PLEKHA5: variants seen among roughly 807,000 people sequenced by gnomAD.
PLEKHA5 encodes pleckstrin homology domain containing A5.
PLEKHA5 carries 55 observed loss-of-function variants against 181.9 expected under a neutral mutation model. The observed-to-expected ratio is 0.30, with a 90% CI of 0.24 to 0.38. The LOEUF (loss-of-function observed/expected upper bound fraction) is 0.38, where lower values mean the gene tolerates loss of function less well. Ranked by LOEUF, PLEKHA5 falls within the 10% of genes least tolerant of loss-of-function variation. The pLI, the probability that PLEKHA5 is intolerant of heterozygous loss-of-function variation, is 1.00. For missense variants in PLEKHA5, 1,432 were observed against 1,549.5 expected, an observed-to-expected ratio of 0.92 and a Z score of 1.27; for synonymous variants, 535 against 529.4, an observed-to-expected ratio of 1.01 and a Z score of -0.15.
chr12:19,135,289 A>G (rs1212179669), intron 3 of PLEKHA5, among the ~76,000 whole-genome samples: 1 of 152,058 alleles, frequency 6.6e-6, no homozygotes, highest in African/African-American at 2.4e-5. Flanking sequence ...GTAAGAGGAG[A>G]GGATTGTAGT....
intron 3 of PLEKHA5, among the ~76,000 whole-genome samples, chr12:19,181,919 T>C (rs1310860539): frequency 6.6e-6 from 1 of 152,206 alleles, no homozygotes; most frequent in Non-Finnish European, 1.5e-5. Context: ...TCATCAGAAA[T>C]AAAACTGAGG....
intron 29 of PLEKHA5, among the ~76,000 whole-genome samples, chr12:19,364,610 C>A (rs975991572): frequency 1.3e-5 from 2 of 152,040 alleles, no homozygotes; most frequent in African/African-American, 4.8e-5. Context: ...AGCTGAAAAT[C>A]TGACAAGGAT....
chr12:19,235,675 T>G (rs1319353523), intron 3 of PLEKHA5, among the ~76,000 whole-genome samples: 1 of 152,200 alleles, frequency 6.6e-6, no homozygotes. Flanking sequence ...GGGCTTGAAC[T>G]GGGGTCATCT....
chr12:19,211,433 G>A (rs1303568692), intron 3 of PLEKHA5, among the ~76,000 whole-genome samples: 2 of 152,030 alleles, frequency 1.3e-5, no homozygotes, highest in African/African-American at 4.8e-5. Flanking sequence ...AGAGAGCAGC[G>A]TGACTCCTGA....
chr12:19,237,596 T>A (rs183702553), intron 3 of PLEKHA5, among the ~76,000 whole-genome samples: 1 of 152,080 alleles, frequency 6.6e-6, no homozygotes, highest in Non-Finnish European at 1.5e-5. Flanking sequence ...ATCAGTGATA[T>A]GATTCAAAGT....
At chr12:19,347,977 G>C (rs1168890788) in intron 24 of PLEKHA5, among the ~76,000 whole-genome samples, 1 of 150,486 alleles carries the variant, frequency 6.6e-6, no homozygotes. Context: ...CCGCCTCCCA[G>C]GTTCAAGTGA....
chr12:19,206,572 G>T (rs2055582344), intron 3 of PLEKHA5, among the ~76,000 whole-genome samples: 1 of 152,082 alleles, frequency 6.6e-6, no homozygotes, highest in Admixed American at 6.6e-5. Context: ...CTAGAAAAAT[G>T]ATGTGGGGGG....
At chr12:19,135,134 G>C (rs894049630) in intron 3 of PLEKHA5, among the ~76,000 whole-genome samples, 2 of 152,134 alleles carry the variant, frequency 1.3e-5, no homozygotes, top group Non-Finnish European at 2.9e-5. Context: ...AGTTGTTTCT[G>C]CTTCCATTGT....
intron 3 of PLEKHA5, among the ~76,000 whole-genome samples, chr12:19,252,017 T>C (rs2065463955): frequency 6.6e-6 from 1 of 152,156 alleles, no homozygotes. Flanking sequence ...AACAGATGGC[T>C]CTATGTGCTT....
chr12:19,155,206 C>T (rs574108946), intron 3 of PLEKHA5, among the ~76,000 whole-genome samples: 1 of 152,118 alleles, frequency 6.6e-6, no homozygotes, highest in Non-Finnish European at 1.5e-5. Context: ...CTCACAAGCT[C>T]TATGTAAAAT....
intron 3 of PLEKHA5, among the ~76,000 whole-genome samples, chr12:19,250,272 A>G (rs776511352): frequency 1.3e-5 from 2 of 152,184 alleles, no homozygotes; most frequent in African/African-American, 2.4e-5. Context: ...TTCTGTGACC[A>G]TAGGTATGTA....
chr12:19,262,427 C>T (rs941295937), intron 7 of PLEKHA5, among the ~76,000 whole-genome samples: 42 of 152,028 alleles, frequency 2.8e-4, no homozygotes, highest in African/African-American at 9.6e-4. Context: ...TTAGTAGAGA[C>T]GGGGTTTCAC....
At chr12:19,167,405 A>ATTTTTTTTTTTTTTTTTTTTTTTTTTTTT (rs56086557) in intron 3 of PLEKHA5, among the ~76,000 whole-genome samples, 9 of 91,228 alleles carry the variant, frequency 9.9e-5, no homozygotes, top group African/African-American at 1.8e-4. Context: ...CTGAGGCTTA[A>ATTTTTTTTTTTTTTTTTTTTTTTTTTTTT]TTTTTTTTTT....
At chr12:19,281,237 A>T (rs2076064010) in intron 11 of PLEKHA5, among the ~76,000 whole-genome samples, 1 of 151,880 alleles carries the variant, frequency 6.6e-6, no homozygotes, top group Non-Finnish European at 1.5e-5. Context: ...AAAAAAAAAA[A>T]AAAAAGTATG....
chr12:19,175,837 TAAAC>T (rs906479964), intron 3 of PLEKHA5, among the ~76,000 whole-genome samples: 59 of 152,304 alleles, frequency 3.9e-4, no homozygotes, highest in African/African-American at 1.4e-3. Context: ...TAAATTCTCT[TAAAC>T]AAACATATTT....
intron 11 of PLEKHA5, among the ~76,000 whole-genome samples, chr12:19,276,372 T>C (rs940532005): frequency 6.6e-6 from 1 of 152,198 alleles, no homozygotes; most frequent in African/African-American, 2.4e-5. Flanking sequence ...TTTGATGTGC[T>C]TGATTGCAAA....
chr12:19,369,582 C>T, intron 30 of PLEKHA5, 111 bp from the exon 31 acceptor site: 4 of 599,632 alleles, frequency 6.7e-6, no homozygotes, highest in Non-Finnish European at 1.2e-5. Context: ...GTATCTATTA[C>T]TTCCTTCTCA....
At chr12:19,353,580 C>T (rs1458185616) in intron 25 of PLEKHA5, among the ~76,000 whole-genome samples, 1 of 152,174 alleles carries the variant, frequency 6.6e-6, no homozygotes, top group African/African-American at 2.4e-5. Flanking sequence ...CTGCCTCAGC[C>T]TCCCGAGTAG....
intron 3 of PLEKHA5, among the ~76,000 whole-genome samples, chr12:19,165,943 C>T (rs182152956): frequency 1.3e-5 from 2 of 152,252 alleles, no homozygotes; most frequent in East Asian, 1.9e-4. Context: ...GTCCTTGAAC[C>T]TTGTTTTCCT....
Sources: allele counts gnomAD v4.1 joint callset (sites outside exome capture counted in the v4.1 genomes callset), GRCh38; gene constraint gnomAD v4.1.1; transcripts MANE v1.5; gene names NCBI Gene and HGNC (gene_info 2026-07-23, HGNC 2026-07-21).